The following CS variants were observed in gnomAD, a reference collection of about 807,000 sequenced individuals.
CS encodes the protein citrate synthase, also known as citrate synthase, mitochondrial.
A neutral mutation model predicts 61.4 loss-of-function variants in CS; 13 were observed. The ratio of observed to expected loss-of-function variants is 0.21; its 90% CI spans 0.14 to 0.34. The LOEUF is 0.34. CS is among the 10% of genes least tolerant of loss of function. The pLI, the probability that CS is intolerant of heterozygous loss-of-function variation, is 1.00. For synonymous variants in CS, 159 were observed against 215.2 expected (o/e 0.74, Z 2.29); for missense variants, 278 against 573.4 (o/e 0.48, Z 5.26).
At chr12:56,279,694 A>C (rs1174938848) in intron 6 of CS, among the ~76,000 whole-genome samples, 1 of 151,952 alleles carries the variant, frequency 6.6e-6, no homozygotes, top group Admixed American at 6.6e-5. Flanking sequence ...TGAACCAGGG[A>C]GGCGGAGCTT....
intron 9 of CS, 146 bp from the exon 10 acceptor site, chr12:56,273,942 TC>T: frequency 1.6e-6 from 1 of 636,972 alleles, no homozygotes; most frequent in Non-Finnish European, 2.8e-6. Flanking sequence ...CAGGCAATTC[TC>T]CCACTTCAGC....
chr12:56,284,177 G>A (rs560231645), intron 3 of CS, among the ~76,000 whole-genome samples: 10 of 151,880 alleles, frequency 6.6e-5, no homozygotes, highest in African/African-American at 2.4e-4. Flanking sequence ...AAAAATTAGC[G>A]GGCATGGTGT....
chr12:56,273,942 T>A (rs1872570166), intron 9 of CS, 146 bp from the exon 10 acceptor site: 2 of 636,948 alleles, frequency 3.1e-6, no homozygotes, highest in Non-Finnish European at 5.6e-6. Flanking sequence ...CAGGCAATTC[T>A]CCCACTTCAG....
chr12:56,274,198 G>A, intron 9 of CS: 1 of 224,500 alleles, frequency 4.5e-6, no homozygotes, highest in South Asian at 6.0e-5. Flanking sequence ...GCGCATGCCT[G>A]TAATCCCAGC....
intron 7 of CS, 166 bp downstream of exon 7, chr12:56,275,830 C>G: frequency 1.6e-6 from 1 of 637,248 alleles, no homozygotes; most frequent in Non-Finnish European, 2.8e-6. Context: ...GCCTCCTGAC[C>G]TTGCTTACTA....
rs2135908501 is a variant in CS, at chr12:56,273,680, C to G, written c.1137G>C (p.Gln379His). 8.1e-6 allele frequency: 13 copies of G among 1,614,184 alleles called. No homozygotes were observed. Among genetic ancestry groups the G allele is most frequent in the Non-Finnish European group, 1.1e-5 (13 of 1,180,036 alleles). ...PNDPMFKLVA[Q>H]LYKIVPNVLL... ...GGACATTGGGCACAATCTTGTACAG[C>G]TGAGCAACCAACTTAAACATGGGGT... Residue 379 changes from glutamine to histidine, a missense_variant, in exon 10 of 11, where the codon CAG (glutamine) becomes CAC (histidine). This residue lies in a region of CS where 223 missense variants were observed against 503.5 expected (regional missense o/e 0.44). Transcript: ENST00000351328.
chr12:56,282,096 A>G (rs1433844809), intron 6 of CS, among the ~76,000 whole-genome samples: 1 of 152,158 alleles, frequency 6.6e-6, no homozygotes, highest in African/African-American at 2.4e-5. Flanking sequence ...TGACCTCGTG[A>G]TCTGCCCGCC....
intron 3 of CS, among the ~76,000 whole-genome samples, chr12:56,284,262 T>G (rs1285345862): frequency 7.4e-6 from 1 of 135,384 alleles, no homozygotes; most frequent in Admixed American, 8.9e-5. Flanking sequence ...GAGATTGCAG[T>G]GAGCCAAGAT....
chr12:56,297,065 T>TG lies in CS; in HGVS notation c.42+3094dup, dbSNP rs1565624647. 3.3e-5 allele frequency among the ~76,000 whole-genome samples: 5 copies of TG among 152,314 alleles called. No individual in the cohort carries two copies. The South Asian group carries it at 1.0e-3, about 32-fold the overall frequency. On this transcript the variant is annotated intron_variant, in intron 1 of 10. Transcript: ENST00000351328. ...TTGGTTCCTTTGCATTTAAGTGTCT[T>TG]GAAAAAGTCTAGAAGTAATCTAGAA... is the stretch of plus-strand genomic sequence containing the variant.
chr12:56,291,281 A>G, intron 1 of CS: 1 of 1,083,800 alleles, frequency 9.2e-7, no homozygotes, highest in Non-Finnish European at 1.1e-6. Flanking sequence ...AGCCTGAGGC[A>G]GAGGTGAATG....
At chr12:56,274,701 ATTCTT>A in intron 9 of CS, 71 bp downstream of exon 9, 1 of 1,199,930 alleles carries the variant, frequency 8.3e-7, no homozygotes, top group Non-Finnish European at 1.2e-6. Flanking sequence ...GACCTCTTTC[ATTCTT>A]TTCTTAATTC....
chr12:56,279,073 C>G (rs1172239992), intron 6 of CS, among the ~76,000 whole-genome samples: 1 of 152,144 alleles, frequency 6.6e-6, no homozygotes, highest in East Asian at 1.9e-4. Flanking sequence ...CCACGCCTGG[C>G]CTACTAGCAA....
intron 6 of CS, among the ~76,000 whole-genome samples, chr12:56,277,360 G>C (rs903586240): frequency 6.6e-6 from 1 of 150,968 alleles, no homozygotes; most frequent in African/African-American, 2.4e-5. Flanking sequence ...TTAGCCAGGC[G>C]TGGTGGTGGG....
At position 56,300,265 on chromosome 12, in the gene CS, AGCC is replaced by A. The variant is rs989251354; in HGVS notation, c.-67_-65del. 4 of 1,495,484 alleles carry A rather than the reference AGCC, an allele frequency of 2.7e-6. No homozygotes were observed. The highest frequency in any genetic ancestry group is 2.1e-5 in the Admixed American group (1 of 47,220). 92.6% of individuals were successfully genotyped at this position (1,495,484 alleles called of 1,614,324 possible). A position where few individuals can be genotyped will look rare whatever the true frequency, so the allele number is the denominator to read the frequency against. On this transcript the variant is annotated 5_prime_UTR_variant, in exon 1 of 11. Coordinates refer to ENST00000351328, the MANE Select transcript of CS (RefSeq NM_004077.3). Reference sequence around the variant, plus strand: ...GGGAGAGAGCTGCGGCAGGAACAGGAGCCGCCGCCGCTGCACCAGAGGCCGCGC... The same window carrying A: ...GGGAGAGAGCTGCGGCAGGAACAGGAGCCGCCGCTGCACCAGAGGCCGCGC...
At chr12:56,292,456 T>C (rs1873156367) in intron 1 of CS, among the ~76,000 whole-genome samples, 1 of 151,546 alleles carries the variant, frequency 6.6e-6, no homozygotes, top group Admixed American at 6.6e-5. Flanking sequence ...TGAGGTCCCA[T>C]TCCAGCCAAT....
At chr12:56,291,880 A>T (rs1428362593) in intron 1 of CS, 1 of 152,206 alleles carries the variant, frequency 6.6e-6, no homozygotes, top group Non-Finnish European at 1.5e-5. Flanking sequence ...TATAGGGTGG[A>T]GGTGGCGTTA....
chr12:56,284,587 T>G (rs1475935416), intron 3 of CS, among the ~76,000 whole-genome samples: 2 of 149,202 alleles, frequency 1.3e-5, no homozygotes, highest in Non-Finnish European at 3.0e-5. Context: ...ATTTTTGTAT[T>G]TCTTTTTTTT....
At chr12:56,300,077 G>A in intron 1 of CS, 83 bp downstream of exon 1, 2 of 1,395,658 alleles carry the variant, frequency 1.4e-6, no homozygotes, top group East Asian at 2.6e-5. Context: ...GCACGGGTGT[G>A]GGAGGGAGAC....
At position 56,280,416 on chromosome 12, in the gene CS, C is replaced by CAAAAAAAAAAAA. The variant is rs1190260476; in HGVS notation, c.588+2003_588+2004insTTTTTTTTTTTT. On this transcript the variant is annotated intron_variant, in intron 6 of 10. Coordinates refer to ENST00000351328, the MANE Select transcript of CS (RefSeq NM_004077.3). Reference sequence around the variant, plus strand: ...GGTGACAGTGCAAGACACCGTCTCCCAAAAAAAACAAAAAAAAAAAACAAA... The same window carrying CAAAAAAAAAAAA: ...GGTGACAGTGCAAGACACCGTCTCCCAAAAAAAAAAAAAAAAAAAACAAAAAAAAAAAACAAA... Among the ~76,000 whole-genome samples, 6 of 89,758 alleles carry CAAAAAAAAAAAA rather than the reference C, an allele frequency of 6.7e-5. 2 individuals carry two copies. Among genetic ancestry groups the CAAAAAAAAAAAA allele is most frequent in the Non-Finnish European group, 1.3e-4 (6 of 47,596 alleles). 58.9% of individuals were successfully genotyped at this position (89,758 alleles called of 152,430 possible). A position where few individuals can be genotyped will look rare whatever the true frequency, so the allele number is the denominator to read the frequency against.
Sources: allele counts gnomAD v4.1 joint callset (sites outside exome capture counted in the v4.1 genomes callset), GRCh38; gene constraint gnomAD v4.1.1; regional missense constraint gnomAD v4.1.1; transcripts MANE v1.5; gene names NCBI Gene and HGNC (gene_info 2026-07-23, HGNC 2026-07-21).